Variants in STAM2 observed in about 807,000 individuals in gnomAD.
The protein encoded by STAM2 is signal transducing adaptor molecule 2.
Under a neutral mutation model 65.6 loss-of-function variants are expected in STAM2, and 51 were observed. That is an observed-to-expected ratio of 0.78 (90% CI 0.62 to 0.98). The LOEUF (loss-of-function observed/expected upper bound fraction) is 0.98. STAM2 is among the 50% of genes least tolerant of loss of function. The pLI is 0.00. For missense variants in STAM2, 584 were observed against 617.8 expected (o/e 0.95, Z 0.58); for synonymous variants, 198 against 208.4 (o/e 0.95, Z 0.43).
At chr2:152,151,051 A>G (rs530751289) in intron 1 of STAM2, among the ~76,000 whole-genome samples, 90 of 152,296 alleles carry the variant, frequency 5.9e-4, no homozygotes, top group African/African-American at 2.1e-3. Flanking sequence ...ATACAACGAA[A>G]TATGAAATGA....
At chr2:152,148,383 A>G in intron 2 of STAM2, 83 bp from the exon 3 acceptor site, 5 of 1,141,666 alleles carry the variant, frequency 4.4e-6, no homozygotes, top group Non-Finnish European at 6.3e-6. Context: ...TCTATTACCA[A>G]ATAATTTTAT....
At chr2:152,150,090 G>C in intron 2 of STAM2, 55 bp downstream of exon 2, 1 of 1,196,496 alleles carries the variant, frequency 8.4e-7, no homozygotes, top group Non-Finnish European at 1.2e-6. Flanking sequence ...ATCACAAAAA[G>C]AGACACTGGT....
Position 152,151,178 on chromosome 2 carries a change from C to CTT in STAM2, c.41-951_41-950dup, listed in dbSNP as rs1159526368. Reference sequence around the variant, plus strand: ...AGAATTTATAATATTTACATGAGTTCTTTTTTTTTTTTTTTTTTCGACAGT... The same window carrying CTT: ...AGAATTTATAATATTTACATGAGTTCTTTTTTTTTTTTTTTTTTTTCGACAGT... On this transcript the variant is annotated intron_variant, in intron 1 of 13. Transcript: ENST00000263904. Among the ~76,000 whole-genome samples, 14 of 121,176 alleles carry CTT rather than the reference C, an allele frequency of 1.2e-4. 1 individual carries two copies. The highest frequency in any genetic ancestry group is 2.6e-4 in the South Asian group (1 of 3,804). The allele number at this position is 121,176 out of a possible 152,430, so 79.5% of individuals were successfully genotyped here. A position where few individuals can be genotyped will look rare whatever the true frequency, so the allele number is the denominator to read the frequency against.
At chr2:152,172,711 A>G (rs1432656727) in intron 1 of STAM2, among the ~76,000 whole-genome samples, 1 of 151,964 alleles carries the variant, frequency 6.6e-6, no homozygotes, top group Admixed American at 6.6e-5. Flanking sequence ...CTCTATTAAA[A>G]ATACAAAAAA....
chr2:152,172,876 A>T (rs1297087987), intron 1 of STAM2, among the ~76,000 whole-genome samples: 1 of 151,840 alleles, frequency 6.6e-6, no homozygotes, highest in Admixed American at 6.6e-5. Context: ...AAAAAAAAAA[A>T]AGAAAAAGAA....
At chr2:152,133,816 A>G (rs576171792) in intron 8 of STAM2, among the ~76,000 whole-genome samples, 25 of 152,266 alleles carry the variant, frequency 1.6e-4, no homozygotes, top group African/African-American at 5.1e-4. Flanking sequence ...CATTTTAGGC[A>G]TTTTCCTGAA....
chr2:152,139,866 T>C (rs923264195), intron 7 of STAM2, among the ~76,000 whole-genome samples: 1 of 152,106 alleles, frequency 6.6e-6, no homozygotes, highest in Non-Finnish European at 1.5e-5. Context: ...TTTAATACAA[T>C]ATATTGTATT....
chr2:152,146,687 C>T (rs776845747), intron 5 of STAM2, among the ~76,000 whole-genome samples: 2 of 152,174 alleles, frequency 1.3e-5, no homozygotes, highest in Admixed American at 6.5e-5. Flanking sequence ...AATATTAATA[C>T]ATTCAAGTCT....
chr2:152,175,482 C>A, intron 1 of STAM2, 121 bp downstream of exon 1: 1 of 1,316,118 alleles, frequency 7.6e-7, no homozygotes, highest in Non-Finnish European at 1.1e-6. Context: ...GGCGGCACCG[C>A]CCCTCCCCTC....
intron 1 of STAM2, among the ~76,000 whole-genome samples, chr2:152,160,062 G>C (rs11883564): frequency 2.6e-5 from 4 of 152,100 alleles, no homozygotes; most frequent in African/African-American, 9.7e-5. Context: ...GTGCAGTGGC[G>C]TGATCTCGGC....
At chr2:152,175,581 C>T in intron 1 of STAM2, 22 bp downstream of exon 1, 1 of 1,614,042 alleles carries the variant, frequency 6.2e-7, no homozygotes, top group South Asian at 1.1e-5. Context: ...CACAGCAGTC[C>T]AGGACCGGGC....
chr2:152,134,400 A>T (rs1440910223), intron 8 of STAM2, among the ~76,000 whole-genome samples: 5 of 152,186 alleles, frequency 3.3e-5, no homozygotes, highest in Non-Finnish European at 7.3e-5. Context: ...ATTCCTATCT[A>T]CTTAGAGAGT....
At chr2:152,170,154 T>G (rs569191060) in intron 1 of STAM2, among the ~76,000 whole-genome samples, 55 of 151,312 alleles carry the variant, frequency 3.6e-4, no homozygotes, top group Middle Eastern at 3.4e-3. Flanking sequence ...ACACTTCTAC[T>G]GAAGAATTCC....
intron 11 of STAM2, among the ~76,000 whole-genome samples, chr2:152,127,727 T>C (rs1323118488): frequency 6.6e-6 from 1 of 152,218 alleles, no homozygotes; most frequent in Admixed American, 6.5e-5. Context: ...TGCTTTATTA[T>C]GTAATAACAA....
intron 1 of STAM2, among the ~76,000 whole-genome samples, chr2:152,155,177 G>A (rs1271646678): frequency 6.6e-6 from 1 of 152,028 alleles, no homozygotes; most frequent in African/African-American, 2.4e-5. Flanking sequence ...CAGTATTTAG[G>A]GCACGAAGTA....
chr2:152,151,846 T>C (rs1276743499), intron 1 of STAM2, among the ~76,000 whole-genome samples: 1 of 152,234 alleles, frequency 6.6e-6, no homozygotes, highest in African/African-American at 2.4e-5. Context: ...GTACCAGTAC[T>C]TCATTTCTTC....
intron 2 of STAM2, 104 bp from the exon 3 acceptor site, chr2:152,148,404 T>A: frequency 1.1e-6 from 1 of 936,554 alleles, no homozygotes; most frequent in Non-Finnish European, 1.6e-6. Flanking sequence ...ATTTAATGGC[T>A]CATGCCTGTA....
Position 152,134,422 on chromosome 2 carries a change from A to G in STAM2, c.800-938T>C, listed in dbSNP as rs1174518619. 3.9e-5 allele frequency among the ~76,000 whole-genome samples: 6 copies of G among 152,224 alleles called. No homozygotes were observed. In the East Asian group the frequency reaches 1.2e-3, roughly 29 times the overall value. On this transcript the variant is annotated intron_variant, in intron 8 of 13. Transcript: ENST00000263904. ...TCTACTTAGAGAGTCAGTTAAAAGGAATAAAATTATAAATAATGGCAAAGT... is the reference window on the plus strand; with the variant it reads ...TCTACTTAGAGAGTCAGTTAAAAGGGATAAAATTATAAATAATGGCAAAGT...
At chr2:152,166,247 C>T (rs1204032309) in intron 1 of STAM2, among the ~76,000 whole-genome samples, 1 of 152,058 alleles carries the variant, frequency 6.6e-6, no homozygotes, top group Non-Finnish European at 1.5e-5. Context: ...AAGACTACAT[C>T]ATCATGTAGT....
Sources: allele counts gnomAD v4.1 joint callset (sites outside exome capture counted in the v4.1 genomes callset), GRCh38; gene constraint gnomAD v4.1.1; transcripts MANE v1.5; gene names NCBI Gene and HGNC (gene_info 2026-07-23, HGNC 2026-07-21).